Variants in CNIH3 observed in about 807,000 individuals in gnomAD.
CNIH3 encodes protein cornichon homolog 3.
CNIH3 carries 14 observed loss-of-function variants against 24.1 expected under a neutral mutation model. The ratio of observed to expected loss-of-function variants is 0.58; its 90% CI spans 0.38 to 0.91. The LOEUF (loss-of-function observed/expected upper bound fraction) is 0.91, where lower values mean the gene tolerates loss of function less well. CNIH3 is among the 40% of genes least tolerant of loss of function. The pLI is 0.00. For synonymous variants in CNIH3, 68 were observed against 73.8 expected (o/e 0.92, Z 0.40); for missense variants, 178 against 196.8 (o/e 0.90, Z 0.57).
chr1:224,670,991 A>G (rs1685836942), intron 1 of CNIH3, among the ~76,000 whole-genome samples: 1 of 152,228 alleles, frequency 6.6e-6, no homozygotes, highest in African/African-American at 2.4e-5. Context: ...AATCAGCTGA[A>G]GGTCCAGATA....
chr1:224,581,875 G>T (rs945123454), intron 4 of CNIH3, among the ~76,000 whole-genome samples: 1 of 152,162 alleles, frequency 6.6e-6, no homozygotes, highest in African/African-American at 2.4e-5. Context: ...ATTACAGGGG[G>T]ATAAGGAGGA....
At chr1:224,521,717 G>A (rs1678640948) in intron 2 of CNIH3, among the ~76,000 whole-genome samples, 1 of 152,238 alleles carries the variant, frequency 6.6e-6, no homozygotes, top group African/African-American at 2.4e-5. Flanking sequence ...AGGGGTGGTA[G>A]AGGGATGAGG....
intron 4 of CNIH3, among the ~76,000 whole-genome samples, chr1:224,571,422 G>A (rs1680810455): frequency 6.6e-6 from 1 of 151,982 alleles, no homozygotes; most frequent in Non-Finnish European, 1.5e-5. Flanking sequence ...AGAGAGAAGA[G>A]GGCATCATAA....
chr1:224,737,247 T>G (rs1465261183), intron 5 of CNIH3, among the ~76,000 whole-genome samples: 1 of 152,012 alleles, frequency 6.6e-6, no homozygotes, highest in Non-Finnish European at 1.5e-5. Flanking sequence ...AGGGAGGTCT[T>G]GGCAGCTCCT....
chr1:224,510,628 A>G (rs1678113167), intron 1 of CNIH3, among the ~76,000 whole-genome samples: 1 of 151,894 alleles, frequency 6.6e-6, no homozygotes, highest in Non-Finnish European at 1.5e-5. Flanking sequence ...AACAAAAAAA[A>G]GAAAGAACTA....
At chr1:224,437,529 A>G (rs1674716091) in intron 1 of CNIH3, among the ~76,000 whole-genome samples, 1 of 152,208 alleles carries the variant, frequency 6.6e-6, no homozygotes, top group Non-Finnish European at 1.5e-5. Flanking sequence ...CAACTAATGT[A>G]TAAATTCCTT....
intron 1 of CNIH3, among the ~76,000 whole-genome samples, chr1:224,621,860 C>T (rs1325526435): frequency 6.6e-6 from 1 of 152,122 alleles, no homozygotes; most frequent in Non-Finnish European, 1.5e-5. Context: ...ATAATCTCCA[C>T]GTGTTGTGGG....
At chr1:224,496,816 T>C (rs1401534245) in intron 1 of CNIH3, among the ~76,000 whole-genome samples, 1 of 152,204 alleles carries the variant, frequency 6.6e-6, no homozygotes, top group Non-Finnish European at 1.5e-5. Flanking sequence ...TGCAATACCA[T>C]AGCTGATACT....
At chr1:224,532,542 G>T (rs1203889954) in intron 2 of CNIH3, among the ~76,000 whole-genome samples, 1 of 152,182 alleles carries the variant, frequency 6.6e-6, no homozygotes, top group East Asian at 1.9e-4. Context: ...TACTGGAAGT[G>T]GGCAGAAGTG....
At chr1:224,670,791 G>A (rs1316549329) in intron 1 of CNIH3, among the ~76,000 whole-genome samples, 1 of 152,232 alleles carries the variant, frequency 6.6e-6, no homozygotes, top group African/African-American at 2.4e-5. Flanking sequence ...GGCCCAGCCT[G>A]GAGCCTGTGA....
At chr1:224,530,951 G>A (rs965633591) in intron 2 of CNIH3, among the ~76,000 whole-genome samples, 2 of 152,108 alleles carry the variant, frequency 1.3e-5, no homozygotes, top group Non-Finnish European at 2.9e-5. Flanking sequence ...ATCATTCCAT[G>A]ACTCTCCTTT....
At chr1:224,532,020 A>G (rs1476689052) in intron 2 of CNIH3, among the ~76,000 whole-genome samples, 1 of 152,170 alleles carries the variant, frequency 6.6e-6, no homozygotes, top group Non-Finnish European at 1.5e-5. Context: ...GGAAAGGTAG[A>G]CGGTGGGGTG....
At chr1:224,594,699 T>C (rs1681905541) in intron 3 of CNIH3, among the ~76,000 whole-genome samples, 1 of 152,170 alleles carries the variant, frequency 6.6e-6, no homozygotes, top group Non-Finnish European at 1.5e-5. Context: ...AATGGCAGGC[T>C]TTGGGCTCTC....
chr1:224,527,576 A>G (rs1021832606), intron 2 of CNIH3, among the ~76,000 whole-genome samples: 3 of 152,228 alleles, frequency 2.0e-5, no homozygotes, highest in Non-Finnish European at 4.4e-5. Context: ...ATAGCACAAC[A>G]TGATTTTACT....
intron 1 of CNIH3, among the ~76,000 whole-genome samples, chr1:224,464,857 G>A (rs1047429884): frequency 6.6e-6 from 1 of 151,738 alleles, no homozygotes; most frequent in Non-Finnish European, 1.5e-5. Flanking sequence ...GTGCAGTGGT[G>A]TGATCACAGC....
chr1:224,442,889 C>T (rs1393089228), intron 1 of CNIH3, among the ~76,000 whole-genome samples: 1 of 152,288 alleles, frequency 6.6e-6, no homozygotes, highest in African/African-American at 2.4e-5. Flanking sequence ...AAGTCCTATA[C>T]GTTCATTTTT....
At chr1:224,584,468 C>G (rs532003143) in intron 5 of CNIH3, among the ~76,000 whole-genome samples, 21 of 152,210 alleles carry the variant, frequency 1.4e-4, no homozygotes, top group African/African-American at 3.1e-4. Context: ...TATCACAAAC[C>G]CTTTATGCCG....
At chr1:224,624,151 C>T (rs10753475) in intron 1 of CNIH3, among the ~76,000 whole-genome samples, 61,162 of 152,034 alleles carry the variant, frequency 0.4, 12,751 homozygotes, top group East Asian at 0.57. Flanking sequence ...CTTGTGCCCC[C>T]GCCCCTTCTC....
rs974114054 is a variant in CNIH3 at position 224,458,509 on chromosome 1, A to C, written n.203+23647A>C. ...GGATTGTGGCCTGCGGTTGGTGGGCAGGAGAGCCTGGTCTGATGACAGCAA... is the reference window on the plus strand; with the variant it reads ...GGATTGTGGCCTGCGGTTGGTGGGCCGGAGAGCCTGGTCTGATGACAGCAA... On this transcript the variant is annotated intron_variant and non_coding_transcript_variant, in intron 1 of 5. Coordinates refer to the CNIH3 transcript ENST00000471578. The surrounding 1 kb of genome is among the most constrained non-coding windows in gnomAD (Gnocchi z 4.3). Among the ~76,000 whole-genome samples the C allele has an allele frequency of 1.3e-5, 2 of 152,190 alleles. No homozygotes were observed. The highest frequency in any genetic ancestry group is 1.5e-5 in the Non-Finnish European group (1 of 68,028).
Sources: allele counts gnomAD v4.1 joint callset (sites outside exome capture counted in the v4.1 genomes callset), GRCh38; gene constraint gnomAD v4.1.1; non-coding constraint Gnocchi (gnomAD v3.1); transcripts MANE v1.5; gene names NCBI Gene and HGNC (gene_info 2026-07-23, HGNC 2026-07-21).